KY: variants seen among roughly 807,000 people sequenced by gnomAD.
KY encodes kyphoscoliosis peptidase.
KY carries 43 observed loss-of-function variants against 76.1 expected under a neutral mutation model. The ratio of observed to expected loss-of-function variants is 0.57; its 90% CI spans 0.44 to 0.73. The LOEUF is 0.73. KY is among the 30% of genes least tolerant of loss of function. The pLI, the probability that KY is intolerant of heterozygous loss-of-function variation, is 0.00. For synonymous variants in KY, 277 were observed against 326.2 expected (o/e 0.85, Z 1.63); for missense variants, 722 against 828.9 (o/e 0.87, Z 1.58).
rs199899505 is a variant in KY at position 134,603,914 on chromosome 3, C to T, written c.1651G>A (p.Val551Ile). ...GCACAGCATACAAGGTAATTAAAGA[C>T]GAAGATGTAGTTTCCTGGTTCCTGC... is the stretch of plus-strand genomic sequence containing the variant. ...KRQEPGNYIF[V>I]FNYLVCCANT... The change falls in exon 11 of 11, where the codon GTC becomes ATC. Residue 551 changes from valine to isoleucine, a missense_variant. Transcript: ENST00000423778. 1.0e-4 allele frequency: 162 copies of T among 1,613,864 alleles called. No homozygotes were observed. Among genetic ancestry groups the T allele is most frequent in the East Asian group, 6.7e-5 (3 of 44,892 alleles).
chr3:134,624,963 G>A lies in KY; in HGVS notation c.483+90C>T, dbSNP rs568650728. ...CATCCAACCAAGCCACTCAGGATAT[G>A]TTCAGGAGGTGTCTGGGGAGAGGTT... On this transcript the variant is annotated intron_variant, in intron 6 of 10. Coordinates refer to ENST00000423778, the MANE Select transcript of KY (RefSeq NM_178554.6). The A allele has an allele frequency of 1.3e-3, 1,512 of 1,121,860 alleles. 7 individuals carry two copies. The highest frequency in any genetic ancestry group is 1.8e-3 in the Non-Finnish European group (1,353 of 756,634). 69.5% of individuals were successfully genotyped at this position (1,121,860 alleles called of 1,614,324 possible). A position where few individuals can be genotyped will look rare whatever the true frequency, so the allele number is the denominator to read the frequency against.
chr3:134,647,524 T>A, intron 1 of KY, 27 bp from the exon 2 acceptor site: 1 of 1,481,842 alleles, frequency 6.7e-7, no homozygotes, highest in Non-Finnish European at 9.4e-7. Context: ...TTCTCTGAGG[T>A]GGGAGACTCA....
intron 4 of KY, 64 bp from the exon 5 acceptor site, chr3:134,627,882 G>T: frequency 7.7e-7 from 1 of 1,293,158 alleles, no homozygotes. Flanking sequence ...AAGCACTGAT[G>T]ACTCACCTTC....
Position 134,604,193 on chromosome 3 carries a change from A to G in KY, c.1372T>C (p.Ser458Pro). Reference protein sequence around the residue: ...LHQPVGPSWFSEQMGIMKPSH... With the variant: ...LHQPVGPSWFPEQMGIMKPSH... The stretch of plus-strand genomic sequence containing the variant: ...GGCTTCATGATGCCCATCTGCTCCG[A>G]GAACCAGCTGGGGCCCACGGGCTGG... The change falls in exon 11 of 11, where the codon TCG becomes CCG. Residue 458 changes from serine (S) to proline (P), a missense_variant. Ser to Pro is a moderately conservative substitution (Grantham distance 74). This residue lies in a region of KY where 552 missense variants were observed against 680.9 expected (regional missense o/e 0.81). Coordinates refer to ENST00000423778, the MANE Select transcript of KY (RefSeq NM_178554.6). The G allele has an allele frequency of 6.2e-7, 1 of 1,612,162 alleles. No individual in the cohort carries two copies.
intron 8 of KY, among the ~76,000 whole-genome samples, chr3:134,618,857 C>T (rs1962065179): frequency 6.6e-6 from 1 of 152,188 alleles, no homozygotes; most frequent in South Asian, 2.1e-4. Flanking sequence ...TTTTAACCTT[C>T]AGCTGCATAG....
chr3:134,627,042 G>A (rs1963550390), intron 5 of KY, among the ~76,000 whole-genome samples: 1 of 152,126 alleles, frequency 6.6e-6, no homozygotes, highest in Non-Finnish European at 1.5e-5. Context: ...TAGAATAAAG[G>A]TGGCATTTCT....
At chr3:134,636,889 C>T (rs1451351462) in intron 3 of KY, among the ~76,000 whole-genome samples, 1 of 152,048 alleles carries the variant, frequency 6.6e-6, no homozygotes, top group Non-Finnish European at 1.5e-5. Context: ...ATTTTAAATT[C>T]TTATTTTGTG....
chr3:134,612,723 C>G (rs1960714942), intron 8 of KY, among the ~76,000 whole-genome samples: 1 of 150,168 alleles, frequency 6.7e-6, no homozygotes, highest in African/African-American at 2.5e-5. Context: ...ATGTCAATCT[C>G]TCCAGTCAGC....
chr3:134,647,515 T>C lies in KY; in HGVS notation c.137-18A>G. 1 of 1,560,696 alleles carries C rather than the reference T, an allele frequency of 6.4e-7. No homozygotes were observed. The highest frequency in any genetic ancestry group is 8.8e-7 in the Non-Finnish European group (1 of 1,133,196). ...TTGGAATCCTGCAAAATAACAAGCT[T>C]CTCTGAGGTGGGAGACTCAGGGCAA... On this transcript the variant is annotated intron_variant, in intron 1 of 10. Transcript: ENST00000423778.
Position 134,601,468 on chromosome 3 carries a change from C to A in KY, c.*2111G>T, listed in dbSNP as rs2107721665. On this transcript the variant is annotated 3_prime_UTR_variant, in exon 11 of 11. Transcript: ENST00000423778. ...GGGTCCAGTGAGTGACATGCGTCAT[C>A]GAAGGCACTTATTGTTTTGATGAAA... is the stretch of plus-strand genomic sequence containing the variant. Among the ~76,000 whole-genome samples, 1 of 152,336 alleles carries A rather than the reference C, an allele frequency of 6.6e-6. No homozygotes were observed. The highest frequency in any genetic ancestry group is 2.1e-4 in the South Asian group (1 of 4,826).
At chr3:134,610,080 C>T (rs1960092799) in intron 9 of KY, 115 bp downstream of exon 9, 3 of 1,150,078 alleles carry the variant, frequency 2.6e-6, no homozygotes, top group Admixed American at 2.3e-5. Flanking sequence ...GGCATGGGGC[C>T]TCCTGGCTCT....
rs1190345943 is a variant in KY at position 134,601,713 on chromosome 3, G to A, written c.*1866C>T. ...GCCCAGGACAGTTCAGCCCCCCAGG[G>A]GAGACACCCCTTTTGCTCGAGGCCG... is the stretch of plus-strand genomic sequence containing the variant. On this transcript the variant is annotated 3_prime_UTR_variant, in exon 11 of 11. Transcript: ENST00000423778. Among the ~76,000 whole-genome samples, 2 of 152,230 alleles carry A rather than the reference G, an allele frequency of 1.3e-5. No homozygotes were observed. Among genetic ancestry groups the A allele is most frequent in the South Asian group, 2.1e-4 (1 of 4,836 alleles).
chr3:134,622,381 C>T (rs6780918), intron 6 of KY, among the ~76,000 whole-genome samples: 147,363 of 152,326 alleles, frequency 0.97, 71,442 homozygotes, highest in East Asian at 1. Context: ...TATTCAACTA[C>T]AAAAAGAAGG....
intron 8 of KY, among the ~76,000 whole-genome samples, chr3:134,611,223 A>C (rs562156522): frequency 3.3e-5 from 5 of 152,344 alleles, no homozygotes; most frequent in African/African-American, 4.8e-5. Context: ...TTCACTGCTC[A>C]TAGTAGAGCT....
At chr3:134,614,544 CA>C (rs1961155838) in intron 8 of KY, among the ~76,000 whole-genome samples, 2 of 152,020 alleles carry the variant, frequency 1.3e-5, no homozygotes, top group African/African-American at 4.8e-5. Context: ...ACATGGCCAC[CA>C]AATGTGGCCT....
intron 8 of KY, among the ~76,000 whole-genome samples, chr3:134,614,237 C>T (rs1460077569): frequency 6.6e-6 from 1 of 152,152 alleles, no homozygotes; most frequent in Non-Finnish European, 1.5e-5. Context: ...TTTCCACCTC[C>T]TGAAGAGCTC....
chr3:134,641,406 G>A (rs1965744050), intron 3 of KY: 1 of 152,162 alleles, frequency 6.6e-6, no homozygotes, highest in African/African-American at 2.4e-5. Flanking sequence ...CTTAAACAAG[G>A]GAGCACAGGG....
intron 2 of KY, among the ~76,000 whole-genome samples, chr3:134,645,682 G>A (rs1211737581): frequency 1.3e-5 from 2 of 152,102 alleles, no homozygotes; most frequent in Admixed American, 6.5e-5. Context: ...CTGGGCTCAG[G>A]GCCTCTGTGG....
intron 6 of KY, among the ~76,000 whole-genome samples, chr3:134,623,190 T>C (rs1472062241): frequency 2.6e-5 from 4 of 152,208 alleles, no homozygotes; most frequent in Admixed American, 2.6e-4. Flanking sequence ...CCTGGCTTGC[T>C]CTGGCCACTC....
Sources: gnomAD v4.1 joint callset for allele counts (sites outside exome capture counted in the v4.1 genomes callset) on GRCh38, gnomAD v4.1.1 for gene constraint, gnomAD v4.1.1 regional missense constraint, MANE v1.5 for transcripts, NCBI Gene and HGNC (gene_info 2026-07-23, HGNC 2026-07-21) for gene names.